Variants in TRAPPC3L observed in about 807,000 individuals in gnomAD.
TRAPPC3L encodes trafficking protein particle complex subunit 3-like protein.
Under a neutral mutation model 23.7 loss-of-function variants are expected in TRAPPC3L, and 23 were observed. That is an observed-to-expected ratio of 0.97 (90% CI 0.70 to 1.37). The LOEUF (loss-of-function observed/expected upper bound fraction) is 1.37, where lower values mean the gene tolerates loss of function less well. Ranked by LOEUF, TRAPPC3L falls within the 40% of genes most tolerant of loss-of-function variation. TRAPPC3L has a pLI of 0.00. For missense variants in TRAPPC3L, 212 were observed against 216.8 expected, an observed-to-expected ratio of 0.98 and a Z score of 0.14; for synonymous variants, 81 against 77.9, an observed-to-expected ratio of 1.04 and a Z score of -0.21.
chr6:116,544,641 T>C (rs1368172996), intron 1 of TRAPPC3L, among the ~76,000 whole-genome samples: 9 of 152,122 alleles, frequency 5.9e-5, no homozygotes. Flanking sequence ...TAAAATCAAG[T>C]GATTTCGGTA....
intron 3 of TRAPPC3L, among the ~76,000 whole-genome samples, chr6:116,533,426 A>G (rs1403389163): frequency 6.6e-6 from 1 of 152,220 alleles, no homozygotes; most frequent in Admixed American, 6.5e-5. Flanking sequence ...ACACCACTCT[A>G]GCAAGAAAAA....
intron 3 of TRAPPC3L, among the ~76,000 whole-genome samples, chr6:116,536,079 A>G (rs1773067547): frequency 6.6e-6 from 1 of 152,230 alleles, no homozygotes; most frequent in African/African-American, 2.4e-5. Context: ...CTGTTGACTT[A>G]CAAATGTTCA....
At chr6:116,501,910 A>G (rs1025369308) in intron 3 of TRAPPC3L, among the ~76,000 whole-genome samples, 2 of 152,206 alleles carry the variant, frequency 1.3e-5, no homozygotes, top group African/African-American at 4.8e-5. Flanking sequence ...AACCACAAAC[A>G]TGGGGAGAAA....
intron 1 of TRAPPC3L, chr6:116,543,642 C>T: frequency 3.0e-6 from 2 of 671,918 alleles, no homozygotes; most frequent in Admixed American, 6.0e-5. Flanking sequence ...ATGATAACAT[C>T]TTTCTATGCA....
chr6:116,506,177 A>C (rs61702052), intron 3 of TRAPPC3L, among the ~76,000 whole-genome samples: 3,837 of 151,982 alleles, frequency 0.025, 74 homozygotes, highest in Middle Eastern at 0.095. Context: ...GTACAAGGAA[A>C]AAACAACCCC....
At position 116,496,650 on chromosome 6, in the gene TRAPPC3L, C is replaced by A. The variant is rs1237588815; in HGVS notation, c.*304G>T. The A allele has an allele frequency of 8.4e-6, 2 of 239,236 alleles. No homozygotes were observed. Among genetic ancestry groups the A allele is most frequent in the Admixed American group, 1.2e-4 (2 of 17,344 alleles). The allele number at this position is 239,236 out of a possible 1,614,324, so 14.8% of individuals were successfully genotyped here. A position where few individuals can be genotyped will look rare whatever the true frequency, so the allele number is the denominator to read the frequency against. The stretch of plus-strand genomic sequence containing the variant: ...TTGTGCTGCTTTTTTTTCCCATTAC[C>A]ATACGTGAATGGAATGAACAGCTTC... On this transcript the variant is annotated 3_prime_UTR_variant, in exon 5 of 5. Coordinates refer to ENST00000368602, the MANE Select transcript of TRAPPC3L (RefSeq NM_001139444.3).
chr6:116,513,338 C>G (rs1583269969), intron 3 of TRAPPC3L, among the ~76,000 whole-genome samples: 1 of 152,220 alleles, frequency 6.6e-6, no homozygotes, highest in East Asian at 1.9e-4. Flanking sequence ...ATGCATAAAG[C>G]ACATCTTAGA....
chr6:116,512,218 C>G (rs1363775004), intron 3 of TRAPPC3L: 4 of 1,599,418 alleles, frequency 2.5e-6, no homozygotes, highest in Non-Finnish European at 3.4e-6. Flanking sequence ...TGAAACTCTC[C>G]CTTCAGGCCC....
chr6:116,508,888 A>T (rs569679279), intron 3 of TRAPPC3L, among the ~76,000 whole-genome samples: 7 of 152,280 alleles, frequency 4.6e-5, no homozygotes, highest in Admixed American at 2.6e-4. Flanking sequence ...GAAAAGAGGA[A>T]GTCAAACTAT....
intron 3 of TRAPPC3L, chr6:116,519,425 C>G (rs1244981193): frequency 6.6e-6 from 1 of 152,202 alleles, no homozygotes; most frequent in East Asian, 1.9e-4. Context: ...CCAGAAAACT[C>G]CAGGTGAGGA....
intron 3 of TRAPPC3L, chr6:116,512,298 C>T: frequency 6.7e-7 from 1 of 1,502,302 alleles, no homozygotes; most frequent in Non-Finnish European, 8.9e-7. Flanking sequence ...TCTCTGTGCT[C>T]CTTTCAGCCA....
At chr6:116,512,234 C>A in intron 3 of TRAPPC3L, 1 of 1,592,532 alleles carries the variant, frequency 6.3e-7, no homozygotes, top group Non-Finnish European at 8.5e-7. Flanking sequence ...GGCCCAGTCT[C>A]AGGTAAGAAA....
intron 3 of TRAPPC3L, among the ~76,000 whole-genome samples, chr6:116,525,056 A>T (rs1772419614): frequency 6.6e-6 from 1 of 152,230 alleles, no homozygotes; most frequent in Admixed American, 6.5e-5. Flanking sequence ...ATTTGGACCT[A>T]CATGTGTCTA....
At chr6:116,498,330 C>T (rs1045928565) in intron 4 of TRAPPC3L, among the ~76,000 whole-genome samples, 4 of 152,060 alleles carry the variant, frequency 2.6e-5, no homozygotes, top group East Asian at 1.9e-4. Flanking sequence ...TCATGGCCAC[C>T]GACTACAGGA....
intron 3 of TRAPPC3L, among the ~76,000 whole-genome samples, chr6:116,501,683 G>A (rs1343634982): frequency 1.3e-5 from 2 of 152,168 alleles, no homozygotes; most frequent in Non-Finnish European, 2.9e-5. Flanking sequence ...GGATCAGGCA[G>A]CAATTATCTG....
At chr6:116,515,575 T>C (rs765525245) in intron 3 of TRAPPC3L, 1 of 1,584,962 alleles carries the variant, frequency 6.3e-7, no homozygotes, top group Non-Finnish European at 8.6e-7. Context: ...TTCACGTGTG[T>C]ACTCAATATT....
Position 116,500,518 on chromosome 6 carries a change from T to C in TRAPPC3L, c.389A>G (p.Asn130Ser), listed in dbSNP as rs1771894561. 3.2e-6 allele frequency: 5 copies of C among 1,551,602 alleles called. No homozygotes were observed. Among genetic ancestry groups the C allele is most frequent in the Middle Eastern group, 3.3e-4 (2 of 5,990 alleles). Residue 130 changes from asparagine (N) to serine (S), a missense_variant, in exon 4 of 5, where the codon AAC becomes AGC. Physicochemically the swap from Asn to Ser is conservative, Grantham distance 46. Coordinates refer to ENST00000368602, the MANE Select transcript of TRAPPC3L (RefSeq NM_001139444.3). ...PAGRSSLCYC[N>S]LLCGIIRGAL... The stretch of plus-strand genomic sequence containing the variant: ...ACCTCTGATAATCCCACAGAGCAAG[T>C]TGCAGTAGCACAGAGAAGATCGCCC...
At chr6:116,531,619 T>C (rs975081145) in intron 3 of TRAPPC3L, among the ~76,000 whole-genome samples, 1 of 152,168 alleles carries the variant, frequency 6.6e-6, no homozygotes, top group African/African-American at 2.4e-5. Context: ...AACCAAATGC[T>C]GGTAACCTAA....
chr6:116,531,707 T>C (rs996288949), intron 3 of TRAPPC3L, among the ~76,000 whole-genome samples: 3 of 152,170 alleles, frequency 2.0e-5, no homozygotes, highest in Admixed American at 1.3e-4. Context: ...TAATATGAAA[T>C]GCACTATGTA....
Sources: allele counts gnomAD v4.1 joint callset (sites outside exome capture counted in the v4.1 genomes callset), GRCh38; gene constraint gnomAD v4.1.1; transcripts MANE v1.5; gene names NCBI Gene and HGNC (gene_info 2026-07-23, HGNC 2026-07-21).